Variants in TULP4 observed in about 807,000 individuals in gnomAD.
TULP4 encodes tubby-related protein 4.
TULP4 carries 16 observed loss-of-function variants against 129.0 expected under a neutral mutation model. The observed-to-expected ratio is 0.12, with a 90% CI of 0.08 to 0.19. The LOEUF is 0.19. Ranked by LOEUF, TULP4 falls within the 10% of genes least tolerant of loss-of-function variation. The pLI is 1.00. For missense variants in TULP4, 1,842 were observed against 2,059.1 expected (o/e 0.89, Z 2.04); for synonymous variants, 998 against 854.0 (o/e 1.17, Z -2.94).
At chr6:158,363,624 C>T (rs1437644486) in intron 1 of TULP4, among the ~76,000 whole-genome samples, 2 of 152,168 alleles carry the variant, frequency 1.3e-5, no homozygotes, top group Non-Finnish European at 2.9e-5. Flanking sequence ...GCTGGGACTA[C>T]AGGCACGCAT....
At chr6:158,438,537 C>T (rs1040836310) in intron 3 of TULP4, among the ~76,000 whole-genome samples, 16 of 152,104 alleles carry the variant, frequency 1.1e-4, no homozygotes, top group Middle Eastern at 6.8e-3. Context: ...AGTAGTATAA[C>T]GCTTTGCTTT....
intron 1 of TULP4, among the ~76,000 whole-genome samples, chr6:158,342,339 T>C (rs774086627): frequency 2.6e-5 from 4 of 152,258 alleles, no homozygotes; most frequent in Non-Finnish European, 4.4e-5. Context: ...TGCTGCACTT[T>C]AAAAAGTTGA....
intron 1 of TULP4, among the ~76,000 whole-genome samples, chr6:158,249,994 C>T (rs115455972): frequency 0.016 from 2,373 of 152,132 alleles, 65 homozygotes; most frequent in African/African-American, 0.054. Context: ...TTTTTTGAGA[C>T]GGAGTCTTGC....
chr6:158,462,123 T>A (rs1420421450), intron 6 of TULP4, among the ~76,000 whole-genome samples: 1 of 152,242 alleles, frequency 6.6e-6, no homozygotes, highest in Non-Finnish European at 1.5e-5. Context: ...AACAGAAGTT[T>A]AATAACTTGT....
chr6:158,464,534 G>A (rs1311447981), intron 6 of TULP4, among the ~76,000 whole-genome samples: 1 of 152,236 alleles, frequency 6.6e-6, no homozygotes, highest in Non-Finnish European at 1.5e-5. Context: ...ACAGGCTGGA[G>A]TGTAGTGGCG....
chr6:158,241,027 A>G (rs1777888750), intron 1 of TULP4, among the ~76,000 whole-genome samples: 1 of 133,518 alleles, frequency 7.5e-6, no homozygotes, highest in African/African-American at 2.6e-5. Context: ...CTCACTTCTC[A>G]GATGGGGCGG....
chr6:158,355,069 G>A (rs1366040706), intron 1 of TULP4, among the ~76,000 whole-genome samples: 1 of 151,684 alleles, frequency 6.6e-6, no homozygotes, highest in Non-Finnish European at 1.5e-5. Flanking sequence ...TTTTTTGTTG[G>A]TTTTTGTTGT....
At chr6:158,428,617 G>A (rs973580272) in intron 2 of TULP4, among the ~76,000 whole-genome samples, 2 of 139,074 alleles carry the variant, frequency 1.4e-5, no homozygotes, top group African/African-American at 4.9e-5. Context: ...TTTTCAGTTA[G>A]ATTTTTTTTT....
At chr6:158,337,482 T>C (rs533806034) in intron 1 of TULP4, among the ~76,000 whole-genome samples, 41 of 152,288 alleles carry the variant, frequency 2.7e-4, no homozygotes, top group African/African-American at 9.6e-4. Context: ...AAGCAATGGA[T>C]AGTGAATGCA....
chr6:158,378,945 G>A (rs1562542017), intron 1 of TULP4, among the ~76,000 whole-genome samples: 1 of 152,198 alleles, frequency 6.6e-6, no homozygotes, highest in Non-Finnish European at 1.5e-5. Flanking sequence ...TCTTCCCAGG[G>A]CTGGTGGGTA....
chr6:158,461,584 C>G lies in TULP4; in HGVS notation c.881C>G (p.Thr294Arg). 2 of 1,613,628 alleles carry G rather than the reference C, an allele frequency of 1.2e-6. No individual in the cohort carries two copies. The highest frequency in any genetic ancestry group is 1.7e-6 in the Non-Finnish European group (2 of 1,179,814). ...TCAGAGGTGGTAGCCCAGTGGTGCA[C>G]ACAGGGGGACTTGCTGGCAGTCGCT... is the stretch of plus-strand genomic sequence containing the variant. ...GLKEVVAQWCTQGDLLAVAGM... is the reference protein window; with the variant it reads ...GLKEVVAQWCRQGDLLAVAGM... Residue 294 changes from threonine (T) to arginine (R), a missense_variant, in exon 6 of 14, where the codon ACA becomes AGA. Coordinates refer to ENST00000367097, the MANE Select transcript of TULP4 (RefSeq NM_020245.5).
chr6:158,444,031 A>T lies in TULP4; in HGVS notation c.544-4965A>T, dbSNP rs929683476. Among the ~76,000 whole-genome samples, 24 of 151,856 alleles carry T rather than the reference A, an allele frequency of 1.6e-4. No individual in the cohort carries two copies. The South Asian group carries it at 4.4e-3, about 28-fold the overall frequency. On this transcript the variant is annotated intron_variant, in intron 3 of 13. Coordinates refer to ENST00000367097, the MANE Select transcript of TULP4 (RefSeq NM_020245.5). ...TCAGGAGATTGAGACCATCCTGGCT[A>T]ACACGGTGAAACCCCGTCTCTACTA...
chr6:158,503,380 C>T lies in TULP4; in HGVS notation c.3717C>T (p.Thr1239=). ...ACCCACCCAGCCTCTCCTATTGCAC[C>T]CTGCCCCCCATGTACCCAGGAAGCA... ...PLYPPSLSYC[T]LPPMYPGSST... Residue 1239 remains threonine (T), a synonymous_variant, in exon 13 of 14, where the codon ACC becomes ACT. Transcript: ENST00000367097. This position sits in a 1 kb window ranked among gnomAD's most constrained non-coding sequence, Gnocchi z 4.3. 1.2e-6 allele frequency: 2 copies of T among 1,613,952 alleles called. No individual in the cohort carries two copies. Among genetic ancestry groups the T allele is most frequent in the East Asian group, 2.2e-5 (1 of 44,866 alleles).
At chr6:158,324,497 G>A (rs1434543897) in intron 1 of TULP4, among the ~76,000 whole-genome samples, 2 of 152,172 alleles carry the variant, frequency 1.3e-5, no homozygotes, top group Non-Finnish European at 2.9e-5. Context: ...GTAAACATTT[G>A]AGAGCTCGCT....
At position 158,502,866 on chromosome 6, in the gene TULP4, A is replaced by G. The variant is rs1780494290; in HGVS notation, c.3203A>G (p.Tyr1068Cys). 21 of 1,613,624 alleles carry G rather than the reference A, an allele frequency of 1.3e-5. No homozygotes were observed. Among genetic ancestry groups the G allele is most frequent in the African/African-American group, 2.7e-5 (2 of 74,876 alleles). ...SASPLASQSS[Y>C]SLLSPPDSAR... is the part of the protein sequence containing the mutation. Reference sequence around the variant, plus strand: ...TCCCCGTTGGCCTCCCAGTCCTCCTACAGCCTCCTGAGCCCACCCGACAGC... The same window carrying G: ...TCCCCGTTGGCCTCCCAGTCCTCCTGCAGCCTCCTGAGCCCACCCGACAGC... Residue 1068 changes from tyrosine to cysteine, a missense_variant, in exon 13 of 14, where the codon TAC becomes TGC. By Grantham distance (194) the Tyr-to-Cys change is radical (BLOSUM62 -2). This residue lies in a region of TULP4 where 1,089 missense variants were observed against 987.1 expected (regional missense o/e 1.10). Transcript: ENST00000367097.
chr6:158,448,618 C>G (rs1031133434), intron 3 of TULP4, among the ~76,000 whole-genome samples: 5 of 152,056 alleles, frequency 3.3e-5, no homozygotes, highest in Non-Finnish European at 7.4e-5. Flanking sequence ...ATAATAACAA[C>G]AAATCTCTGC....
chr6:158,444,100 G>C (rs1039112160), intron 3 of TULP4, among the ~76,000 whole-genome samples: 1 of 151,598 alleles, frequency 6.6e-6, no homozygotes, highest in African/African-American at 2.4e-5. Flanking sequence ...CAAGCCTGTA[G>C]TCCCAGCTAC....
intron 1 of TULP4, among the ~76,000 whole-genome samples, chr6:158,344,360 G>A (rs1008581222): frequency 1.3e-5 from 2 of 152,190 alleles, no homozygotes; most frequent in African/African-American, 4.8e-5. Flanking sequence ...AGCGGACTTT[G>A]TTTTACTGAG....
upstream of TULP4, among the ~76,000 whole-genome samples, chr6:158,311,272 A>G (rs6929686): frequency 0.93 from 141,984 of 152,124 alleles, 66,332 homozygotes; most frequent in Admixed American, 0.95. Context: ...TTCCTGTGGG[A>G]TGGGGCTGGG....
Sources: allele counts gnomAD v4.1 joint callset (sites outside exome capture counted in the v4.1 genomes callset), GRCh38; gene constraint gnomAD v4.1.1; regional missense constraint gnomAD v4.1.1; non-coding constraint Gnocchi (gnomAD v3.1); transcripts MANE v1.5; gene names NCBI Gene and HGNC (gene_info 2026-07-23, HGNC 2026-07-21).